The following BICD1 variants were observed in gnomAD, a reference collection of about 807,000 sequenced individuals.
The protein encoded by BICD1 is BICD cargo adaptor 1, also known as protein bicaudal D homolog 1.
A neutral mutation model predicts 92.5 loss-of-function variants in BICD1; 35 were observed. That is an observed-to-expected ratio of 0.38 (90% CI 0.29 to 0.50). BICD1 has a LOEUF of 0.50. Among genes scored for constraint, BICD1 ranks in the 20% least tolerant of loss-of-function variants. The pLI is 0.93. For synonymous variants in BICD1, 429 were observed against 465.1 expected (o/e 0.92, Z 1.00); for missense variants, 950 against 1,189.8 (o/e 0.80, Z 2.97).
chr12:32,121,633 C>T (rs991485631), intron 1 of BICD1, among the ~76,000 whole-genome samples: 1 of 147,758 alleles, frequency 6.8e-6, no homozygotes, highest in Admixed American at 6.8e-5. Context: ...AAAATAAAAG[C>T]GCTGAGGTGG....
chr12:32,277,491 G>T (rs80277305), intron 2 of BICD1, among the ~76,000 whole-genome samples: 1 of 152,120 alleles, frequency 6.6e-6, no homozygotes, highest in East Asian at 1.9e-4. Context: ...CTATATTCAC[G>T]ATTATTTTAA....
intron 1 of BICD1, among the ~76,000 whole-genome samples, chr12:32,123,810 G>A (rs1942236985): frequency 6.6e-6 from 1 of 151,998 alleles, no homozygotes; most frequent in Admixed American, 6.6e-5. Flanking sequence ...CTGGGAGATG[G>A]AGGTTGCAGT....
chr12:32,373,082 T>TG (rs902390270), intron 9 of BICD1, among the ~76,000 whole-genome samples: 2 of 151,996 alleles, frequency 1.3e-5, no homozygotes, highest in Non-Finnish European at 1.5e-5. Context: ...GTTTTCTACT[T>TG]GGGAAAAAAA....
chr12:32,112,503 A>G (rs1941736761), intron 1 of BICD1, among the ~76,000 whole-genome samples: 1 of 152,152 alleles, frequency 6.6e-6, no homozygotes, highest in Non-Finnish European at 1.5e-5. Flanking sequence ...AGTTGTACTC[A>G]TGGATATTGC....
chr12:32,279,712 T>G (rs1392969800), intron 2 of BICD1, among the ~76,000 whole-genome samples: 3 of 152,238 alleles, frequency 2.0e-5, no homozygotes, highest in Non-Finnish European at 4.4e-5. Flanking sequence ...TGGCTTCTAA[T>G]GGAGGCAGGT....
At chr12:32,286,359 A>G (rs1415997414) in intron 2 of BICD1, among the ~76,000 whole-genome samples, 2 of 152,092 alleles carry the variant, frequency 1.3e-5, no homozygotes, top group Admixed American at 6.5e-5. Context: ...TTTTTTATAC[A>G]TATTAAATAA....
intron 1 of BICD1, among the ~76,000 whole-genome samples, chr12:32,151,708 G>A (rs1006522519): frequency 2.6e-5 from 4 of 152,176 alleles, no homozygotes; most frequent in South Asian, 4.1e-4. Flanking sequence ...ACAGCAGAAG[G>A]AAGAGGAGCA....
intron 2 of BICD1, among the ~76,000 whole-genome samples, chr12:32,238,511 G>A (rs1946138702): frequency 6.6e-6 from 1 of 152,138 alleles, no homozygotes; most frequent in Non-Finnish European, 1.5e-5. Flanking sequence ...ATAAAGCAGG[G>A]GCAGGCTTTG....
chr12:32,323,986 C>T (rs767879644), intron 4 of BICD1, among the ~76,000 whole-genome samples: 3 of 152,056 alleles, frequency 2.0e-5, no homozygotes, highest in Non-Finnish European at 4.4e-5. Context: ...GAGAGTTAAC[C>T]TTTTATTTCT....
chr12:32,130,764 C>G (rs1165020829), intron 1 of BICD1, among the ~76,000 whole-genome samples: 1 of 152,028 alleles, frequency 6.6e-6, no homozygotes, highest in African/African-American at 2.4e-5. Flanking sequence ...TAAAAGTAAT[C>G]GAAGTATGCT....
chr12:32,257,638 A>T (rs1159642755), intron 2 of BICD1, among the ~76,000 whole-genome samples: 1 of 152,220 alleles, frequency 6.6e-6, no homozygotes, highest in Non-Finnish European at 1.5e-5. Context: ...AGTTGGAGGT[A>T]TGAACCCTAG....
chr12:32,251,147 C>T (rs1446650176), intron 2 of BICD1, among the ~76,000 whole-genome samples: 2 of 152,008 alleles, frequency 1.3e-5, no homozygotes, highest in Non-Finnish European at 2.9e-5. Flanking sequence ...TTAAAGTTTG[C>T]CATTACAAAG....
intron 1 of BICD1, among the ~76,000 whole-genome samples, chr12:32,152,553 T>G (rs1262653694): frequency 6.6e-6 from 1 of 152,182 alleles, no homozygotes; most frequent in East Asian, 1.9e-4. Flanking sequence ...ATTTCAATTC[T>G]AGCTGTCAGG....
chr12:32,227,456 T>C (rs971758864), intron 2 of BICD1: 3 of 152,336 alleles, frequency 2.0e-5, no homozygotes, highest in Admixed American at 6.5e-5. Flanking sequence ...AGAGGCTGGT[T>C]CCTAGGTATG....
chr12:32,172,293 A>G (rs535722759), intron 1 of BICD1, among the ~76,000 whole-genome samples: 1 of 152,348 alleles, frequency 6.6e-6, no homozygotes, highest in South Asian at 2.1e-4. Context: ...TACTAGTTAT[A>G]TAGAGATGAA....
chr12:32,182,896 T>C (rs1266775779), intron 1 of BICD1, among the ~76,000 whole-genome samples: 5 of 145,722 alleles, frequency 3.4e-5, no homozygotes, highest in African/African-American at 1.0e-4. Context: ...CTTTCTTTTT[T>C]TTTTTTTTTT....
chr12:32,305,035 C>A (rs898624149), intron 3 of BICD1, among the ~76,000 whole-genome samples: 1 of 151,936 alleles, frequency 6.6e-6, no homozygotes, highest in African/African-American at 2.4e-5. Flanking sequence ...ACAAACCAAC[C>A]AACAAACAAA....
intron 4 of BICD1, among the ~76,000 whole-genome samples, chr12:32,309,595 T>C (rs1017792338): frequency 2.6e-5 from 4 of 152,214 alleles, no homozygotes; most frequent in Non-Finnish European, 4.4e-5. Flanking sequence ...TAGGACTGTC[T>C]GAATACTGCC....
chr12:32,203,546 C>T (rs1035201503), intron 1 of BICD1, among the ~76,000 whole-genome samples: 1 of 152,096 alleles, frequency 6.6e-6, no homozygotes, highest in Admixed American at 6.5e-5. Context: ...AGTGGCCAAC[C>T]CGGAGACTGA....
Sources: gnomAD v4.1 joint callset for allele counts (sites outside exome capture counted in the v4.1 genomes callset) on GRCh38, gnomAD v4.1.1 for gene constraint, MANE v1.5 for transcripts, NCBI Gene and HGNC (gene_info 2026-07-23, HGNC 2026-07-21) for gene names.